The following TOM1L2 variants were observed in gnomAD, a reference collection of about 807,000 sequenced individuals.
The protein encoded by TOM1L2 is TOM1-like protein 2.
TOM1L2 carries 31 observed loss-of-function variants against 67.9 expected under a neutral mutation model. That is an observed-to-expected ratio of 0.46 (90% CI 0.34 to 0.62). The LOEUF (loss-of-function observed/expected upper bound fraction) is 0.62. TOM1L2 is among the 20% of genes least tolerant of loss of function. The pLI, the probability that TOM1L2 is intolerant of heterozygous loss-of-function variation, is 0.01. For missense variants in TOM1L2, 606 were observed against 663.5 expected (o/e 0.91, Z 0.95); for synonymous variants, 256 against 254.0 (o/e 1.01, Z -0.07).
chr17:17,869,093 C>A, intron 8 of TOM1L2: 1 of 625,202 alleles, frequency 1.6e-6, no homozygotes, highest in Non-Finnish European at 2.5e-6. Flanking sequence ...GCAGAGCAGC[C>A]TGAGGCTTAC....
At chr17:17,916,771 C>A (rs1598332933) in intron 1 of TOM1L2, among the ~76,000 whole-genome samples, 1 of 152,100 alleles carries the variant, frequency 6.6e-6, no homozygotes, top group East Asian at 1.9e-4. Flanking sequence ...GCCTGTAATC[C>A]CGATACTTTG....
chr17:17,955,680 AC>A (rs1267386849), intron 1 of TOM1L2, among the ~76,000 whole-genome samples: 1 of 152,110 alleles, frequency 6.6e-6, no homozygotes, highest in Non-Finnish European at 1.5e-5. Flanking sequence ...TTGCTCTGCC[AC>A]CCAGGCTAGA....
intron 1 of TOM1L2, among the ~76,000 whole-genome samples, chr17:17,922,099 T>A (rs970920228): frequency 6.6e-6 from 1 of 151,796 alleles, no homozygotes; most frequent in East Asian, 1.9e-4. Context: ...TGGAAAGAAG[T>A]AAGATGGAGC....
At chr17:17,904,872 C>A (rs2039018348) in intron 2 of TOM1L2, among the ~76,000 whole-genome samples, 1 of 152,164 alleles carries the variant, frequency 6.6e-6, no homozygotes, top group African/African-American at 2.4e-5. Flanking sequence ...GCATTGATAC[C>A]CACCTTTCCC....
chr17:17,908,966 A>G (rs2039220423), intron 1 of TOM1L2, among the ~76,000 whole-genome samples: 1 of 152,148 alleles, frequency 6.6e-6, no homozygotes, highest in Non-Finnish European at 1.5e-5. Context: ...ATGGATCACC[A>G]GGTCAGGAGA....
chr17:17,874,061 T>G (rs1301835282), intron 7 of TOM1L2, among the ~76,000 whole-genome samples: 1 of 151,936 alleles, frequency 6.6e-6, no homozygotes, highest in East Asian at 1.9e-4. Flanking sequence ...GTTCATGACA[T>G]TCTCCTGCCT....
intron 1 of TOM1L2, among the ~76,000 whole-genome samples, chr17:17,947,936 C>T (rs528517665): frequency 5.3e-5 from 8 of 151,984 alleles, no homozygotes; most frequent in African/African-American, 1.9e-4. Flanking sequence ...CCAGAATATA[C>T]CTGGTTACAG....
chr17:17,964,621 A>G (rs1023850956), intron 1 of TOM1L2, among the ~76,000 whole-genome samples: 2 of 152,178 alleles, frequency 1.3e-5, no homozygotes, highest in African/African-American at 4.8e-5. Flanking sequence ...GGCTGGGCAC[A>G]GTGGCTGAAA....
chr17:17,950,861 C>A (rs940330175), intron 1 of TOM1L2, among the ~76,000 whole-genome samples: 1 of 152,114 alleles, frequency 6.6e-6, no homozygotes, highest in Admixed American at 6.5e-5. Flanking sequence ...ATGGAAACTG[C>A]AAGATCTGGG....
chr17:17,887,777 C>T (rs2038073765), intron 4 of TOM1L2, among the ~76,000 whole-genome samples: 1 of 152,182 alleles, frequency 6.6e-6, no homozygotes. Context: ...GCGCCCAGCC[C>T]AGACACCTTT....
At chr17:17,934,571 G>A (rs2040447949) in intron 1 of TOM1L2, among the ~76,000 whole-genome samples, 1 of 152,110 alleles carries the variant, frequency 6.6e-6, no homozygotes, top group Admixed American at 6.5e-5. Flanking sequence ...ACTGTGTTTT[G>A]TTTTGTTTTG....
At chr17:17,906,132 ATTTT>A (rs903080193) in intron 2 of TOM1L2, among the ~76,000 whole-genome samples, 1 of 34,724 alleles carries the variant, frequency 2.9e-5, no homozygotes, top group South Asian at 3.0e-3. Context: ...TTCTCTTTTC[ATTTT>A]TTTTTTTTTT....
chr17:17,909,064 C>G (rs1343082174), intron 1 of TOM1L2, among the ~76,000 whole-genome samples: 1 of 152,130 alleles, frequency 6.6e-6, no homozygotes, highest in Admixed American at 6.6e-5. Flanking sequence ...ACCTGTCGTT[C>G]CAGCTACTCA....
chr17:17,970,108 G>A (rs1322028284), intron 1 of TOM1L2, among the ~76,000 whole-genome samples: 6 of 152,134 alleles, frequency 3.9e-5, no homozygotes, highest in Admixed American at 2.0e-4. Flanking sequence ...AGGCTGGAGT[G>A]CAGTGGCACA....
chr17:17,912,130 C>T (rs1425731555), intron 1 of TOM1L2, among the ~76,000 whole-genome samples: 2 of 152,268 alleles, frequency 1.3e-5, no homozygotes, highest in African/African-American at 2.4e-5. Context: ...TCCACAAAAC[C>T]GCCACTGTCA....
Position 17,847,302 on chromosome 17 carries a change from G to A in TOM1L2, c.*333C>T, listed in dbSNP as rs556917518. 2.0e-4 allele frequency: 64 copies of A among 322,288 alleles called. 1 individual carries two copies. In the South Asian group the frequency reaches 2.1e-3, roughly 11 times the overall value. The allele number at this position is 322,288 out of a possible 1,614,324, so 20.0% of individuals were successfully genotyped here. ...CCGGGCGTGCTCTTTCTCCATGGGC[G>A]GGTGGAGGAAAGACAGTCCGGGTGG... On this transcript the variant is annotated 3_prime_UTR_variant, in exon 15 of 15. Coordinates refer to ENST00000379504, the MANE Select transcript of TOM1L2 (RefSeq NM_001082968.2).
chr17:17,873,331 C>T (rs2037249802), intron 7 of TOM1L2, among the ~76,000 whole-genome samples: 1 of 152,192 alleles, frequency 6.6e-6, no homozygotes, highest in African/African-American at 2.4e-5. Flanking sequence ...TATTCATCTT[C>T]CTGTCCACAT....
chr17:17,862,699 T>G, intron 11 of TOM1L2, 32 bp downstream of exon 11: 1 of 1,570,874 alleles, frequency 6.4e-7, no homozygotes, highest in Non-Finnish European at 8.7e-7. Context: ...CCCCAATATC[T>G]TTAGAGAGCC....
chr17:17,923,904 G>A (rs949120642), intron 1 of TOM1L2, among the ~76,000 whole-genome samples: 3 of 151,986 alleles, frequency 2.0e-5, no homozygotes, highest in African/African-American at 7.2e-5. Context: ...TTGGGAGGTC[G>A]AGGTGGGCAG....
Sources: gnomAD v4.1 joint callset for allele counts (sites outside exome capture counted in the v4.1 genomes callset) on GRCh38, gnomAD v4.1.1 for gene constraint, MANE v1.5 for transcripts, NCBI Gene and HGNC (gene_info 2026-07-23, HGNC 2026-07-21) for gene names.